RAD51B: variants seen among roughly 807,000 people sequenced by gnomAD.
RAD51B encodes DNA repair protein RAD51 homolog 2.
RAD51B carries 38 observed loss-of-function variants against 42.2 expected under a neutral mutation model. That is an observed-to-expected ratio of 0.90 (90% CI 0.70 to 1.18). The LOEUF (loss-of-function observed/expected upper bound fraction) is 1.18, where lower values mean the gene tolerates loss of function less well. Ranked by LOEUF, RAD51B falls within the 50% of genes most tolerant of loss-of-function variation. The pLI, the probability that RAD51B is intolerant of heterozygous loss-of-function variation, is 0.00. For missense variants in RAD51B, 373 were observed against 400.7 expected (o/e 0.93, Z 0.59); for synonymous variants, 154 against 145.2 (o/e 1.06, Z -0.43).
At chr14:68,645,015 C>T (rs1447235951) in intron 10 of RAD51B, among the ~76,000 whole-genome samples, 1 of 152,178 alleles carries the variant, frequency 6.6e-6, no homozygotes, top group Admixed American at 6.5e-5. Context: ...AAAGTTACCA[C>T]CTAAACTATT....
chr14:68,131,540 A>G (rs529122634), intron 7 of RAD51B, among the ~76,000 whole-genome samples: 268 of 152,168 alleles, frequency 1.8e-3, no homozygotes, highest in Non-Finnish European at 2.2e-3. Context: ...CACTAAAAAT[A>G]CAAAAATTAG....
chr14:68,643,478 G>A (rs1244796171), intron 10 of RAD51B, among the ~76,000 whole-genome samples: 1 of 152,206 alleles, frequency 6.6e-6, no homozygotes, highest in Non-Finnish European at 1.5e-5. Flanking sequence ...AAGGAGACCA[G>A]AGGAGGATGG....
intron 8 of RAD51B, among the ~76,000 whole-genome samples, chr14:68,328,734 G>A (rs2082292643): frequency 6.6e-6 from 1 of 152,218 alleles, no homozygotes; most frequent in Non-Finnish European, 1.5e-5. Flanking sequence ...GAGCATGTGA[G>A]AATCCAACCA....
At chr14:68,562,435 G>A in intron 10 of RAD51B, 1 of 982,718 alleles carries the variant, frequency 1.0e-6, no homozygotes, top group African/African-American at 1.7e-5. Flanking sequence ...AGTCAACCCT[G>A]CCTTTGCCAT....
intron 7 of RAD51B, among the ~76,000 whole-genome samples, chr14:68,084,112 T>A (rs985924070): frequency 9.9e-5 from 15 of 152,200 alleles, no homozygotes; most frequent in African/African-American, 3.4e-4. Flanking sequence ...TAATAAATCT[T>A]ATTAGAACTT....
At chr14:68,160,088 T>C (rs1461179166) in intron 7 of RAD51B, among the ~76,000 whole-genome samples, 1 of 46,604 alleles carries the variant, frequency 2.1e-5, no homozygotes, top group Non-Finnish European at 4.9e-5. Flanking sequence ...TTATTTTCAC[T>C]GACAGACTTC....
At chr14:68,085,720 T>C (rs2076973166) in intron 7 of RAD51B, among the ~76,000 whole-genome samples, 1 of 151,966 alleles carries the variant, frequency 6.6e-6, no homozygotes, top group South Asian at 2.1e-4. Flanking sequence ...AGGTGGGAGG[T>C]CATACTTTCA....
intron 7 of RAD51B, among the ~76,000 whole-genome samples, chr14:68,212,216 T>C (rs893187631): frequency 6.6e-6 from 1 of 152,160 alleles, no homozygotes; most frequent in African/African-American, 2.4e-5. Context: ...AAAAGGGAGA[T>C]AATATGGCAC....
At chr14:68,500,694 A>G (rs1884855966) in intron 10 of RAD51B, among the ~76,000 whole-genome samples, 1 of 152,202 alleles carries the variant, frequency 6.6e-6, no homozygotes, top group South Asian at 2.1e-4. Context: ...GGACAAATCA[A>G]CTTTCTCTCA....
chr14:67,991,148 G>C (rs949127391), intron 7 of RAD51B, among the ~76,000 whole-genome samples: 4 of 152,180 alleles, frequency 2.6e-5, no homozygotes, highest in Admixed American at 2.0e-4. Flanking sequence ...TGCTGCAGTA[G>C]CCTGGGCAGG....
intron 7 of RAD51B, among the ~76,000 whole-genome samples, chr14:67,902,745 C>T (rs746500463): frequency 1.3e-4 from 19 of 151,974 alleles, no homozygotes; most frequent in Non-Finnish European, 1.9e-4. Flanking sequence ...TACAGAGGAC[C>T]CTGCAATTAT....
chr14:68,334,751 G>A (rs1356085693), intron 8 of RAD51B, among the ~76,000 whole-genome samples: 1 of 151,850 alleles, frequency 6.6e-6, no homozygotes, highest in Non-Finnish European at 1.5e-5. Flanking sequence ...ATTCTTGGTA[G>A]TGGTTGTCAC....
At chr14:67,906,911 G>A (rs943485112) in intron 7 of RAD51B, among the ~76,000 whole-genome samples, 10 of 151,958 alleles carry the variant, frequency 6.6e-5, no homozygotes, top group Admixed American at 5.9e-4. Flanking sequence ...CTGGGTTCAA[G>A]CGATTCTCCT....
At chr14:67,933,310 C>A (rs1039451631) in intron 7 of RAD51B, among the ~76,000 whole-genome samples, 2 of 152,136 alleles carry the variant, frequency 1.3e-5, no homozygotes, top group African/African-American at 4.8e-5. Context: ...TGAGTCAACA[C>A]TGGGGTTGTT....
At chr14:68,166,294 A>G (rs1270725486) in intron 7 of RAD51B, among the ~76,000 whole-genome samples, 1 of 152,022 alleles carries the variant, frequency 6.6e-6, no homozygotes, top group East Asian at 1.9e-4. Flanking sequence ...CCGAAGCATA[A>G]AAGGTGCTGT....
intron 7 of RAD51B, among the ~76,000 whole-genome samples, chr14:68,038,052 C>T (rs2076161319): frequency 6.6e-6 from 1 of 152,214 alleles, no homozygotes; most frequent in African/African-American, 2.4e-5. Context: ...CAGGGCAATG[C>T]AGACCAGACC....
rs1356350750 is a variant in RAD51B at position 68,468,230 on chromosome 14, A to G, written c.1016A>G (p.Glu339Gly). 2 of 1,613,886 alleles carry G rather than the reference A, an allele frequency of 1.2e-6. No individual in the cohort carries two copies. The highest frequency in any genetic ancestry group is 2.2e-5 in the South Asian group (2 of 91,080). ...ACCTCATTTGTCTACACCATCAAGG[A>G]GGAAGGCCTGGTTCTTCAAGGTAAG... ...PFTSFVYTIK[E>G]EGLVLQGQEK... Residue 339 changes from glutamate (E) to glycine (G), a missense_variant, in exon 10 of 11, where the codon GAG becomes GGG. Physicochemically the swap from Glu to Gly is moderately conservative, Grantham distance 98. Coordinates refer to ENST00000471583, the MANE Select transcript of RAD51B (RefSeq NM_133510.4).
rs1265216708 is a variant in RAD51B at position 68,565,170 on chromosome 14, T to C, written c.1037-29315T>C. Among the ~76,000 whole-genome samples the C allele has an allele frequency of 1.3e-5, 2 of 152,176 alleles. No homozygotes were observed. The highest frequency in any genetic ancestry group is 4.8e-5 in the African/African-American group (2 of 41,440). On this transcript the variant is annotated intron_variant, in intron 10 of 10. Transcript: ENST00000487270. The surrounding 1 kb of genome is among the most constrained non-coding windows in gnomAD (Gnocchi z 4.1). The stretch of plus-strand genomic sequence containing the variant: ...TCACTATAAGAAGGTCAGGGGACCC[T>C]TTTCTCATTCCAGTCCTTGATGTGG...
intron 10 of RAD51B, among the ~76,000 whole-genome samples, chr14:68,624,109 A>G (rs1443517508): frequency 6.6e-6 from 1 of 152,218 alleles, no homozygotes; most frequent in Middle Eastern, 3.2e-3. Context: ...ACCAGAGAAC[A>G]CATCTCATAC....
Sources: gnomAD v4.1 joint callset for allele counts (sites outside exome capture counted in the v4.1 genomes callset) on GRCh38, gnomAD v4.1.1 for gene constraint, Gnocchi (gnomAD v3.1) non-coding constraint, MANE v1.5 for transcripts, NCBI Gene and HGNC (gene_info 2026-07-23, HGNC 2026-07-21) for gene names.